Variants in GRIK2 observed in about 807,000 individuals in gnomAD.
The protein encoded by GRIK2 is glutamate ionotropic receptor kainate type subunit 2.
GRIK2 carries 32 observed loss-of-function variants against 100.3 expected under a neutral mutation model. That is an observed-to-expected ratio of 0.32 (90% CI 0.24 to 0.43). The LOEUF is 0.43. Ranked by LOEUF, GRIK2 falls within the 20% of genes least tolerant of loss-of-function variation. GRIK2 has a pLI of 1.00. For missense variants in GRIK2, 843 were observed against 1,114.9 expected (o/e 0.76, Z 3.47); for synonymous variants, 417 against 389.4 (o/e 1.07, Z -0.83).
At chr6:101,463,286 G>C (rs749282563) in intron 2 of GRIK2, among the ~76,000 whole-genome samples, 8 of 152,026 alleles carry the variant, frequency 5.3e-5, no homozygotes, top group African/African-American at 1.9e-4. Context: ...AAATATCTTT[G>C]AATAATATTT....
At chr6:101,614,900 C>T (rs1173830978) in intron 2 of GRIK2, among the ~76,000 whole-genome samples, 1 of 151,630 alleles carries the variant, frequency 6.6e-6, no homozygotes, top group Non-Finnish European at 1.5e-5. Context: ...GTCATACAGT[C>T]CTCAGTAGTA....
chr6:101,782,552 G>A (rs1002401676), intron 7 of GRIK2, among the ~76,000 whole-genome samples: 52 of 152,152 alleles, frequency 3.4e-4, no homozygotes, highest in African/African-American at 1.2e-3. Context: ...TCTTTTTCAT[G>A]GTCAAATGAT....
chr6:101,969,125 A>C (rs972728467), intron 14 of GRIK2, among the ~76,000 whole-genome samples: 15 of 152,058 alleles, frequency 9.9e-5, no homozygotes, highest in African/African-American at 3.1e-4. Flanking sequence ...GTAGGGAACA[A>C]CAATATAAAA....
chr6:101,732,310 G>A, intron 7 of GRIK2, among the ~76,000 whole-genome samples: 1 of 151,882 alleles, frequency 6.6e-6, no homozygotes, highest in Middle Eastern at 3.4e-3. Flanking sequence ...AGAGTTCCTG[G>A]GTAGAGGAAA....
intron 14 of GRIK2, among the ~76,000 whole-genome samples, chr6:101,937,448 T>A (rs945259216): frequency 6.6e-6 from 1 of 152,084 alleles, no homozygotes; most frequent in African/African-American, 2.4e-5. Context: ...GGATAATAGT[T>A]GTCACTGCAA....
intron 12 of GRIK2, among the ~76,000 whole-genome samples, chr6:101,912,000 G>T (rs1788726357): frequency 6.7e-6 from 1 of 149,926 alleles, no homozygotes; most frequent in South Asian, 2.1e-4. Flanking sequence ...ATAAACTTGT[G>T]GGTTATCAAT....
At chr6:101,936,261 A>C in intron 14 of GRIK2, among the ~76,000 whole-genome samples, 1 of 152,036 alleles carries the variant, frequency 6.6e-6, no homozygotes, top group East Asian at 1.9e-4. Context: ...ATCGCAGTAA[A>C]GATTTTTATA....
chr6:101,995,854 A>G (rs1006491373), intron 14 of GRIK2, among the ~76,000 whole-genome samples: 2 of 152,062 alleles, frequency 1.3e-5, no homozygotes, highest in African/African-American at 2.4e-5. Flanking sequence ...GTTTAAGTCT[A>G]GTTTAAACAA....
chr6:101,705,420 T>C (rs937565150), intron 7 of GRIK2, among the ~76,000 whole-genome samples: 4 of 151,798 alleles, frequency 2.6e-5, no homozygotes, highest in Non-Finnish European at 5.9e-5. Context: ...ACTACATTAC[T>C]TATCCTCACA....
rs1247448011 is a variant in GRIK2, at chr6:101,961,455, G to GC, written c.2085+32829dup. On this transcript the variant is annotated intron_variant, in intron 14 of 16. Transcript: ENST00000369134. Reference sequence around the variant, plus strand: ...TCTCCCTAGGCATACCCATGCCAACGCCCCCCACGAAAGAACAGCTAGCTG... The same window carrying GC: ...TCTCCCTAGGCATACCCATGCCAACGCCCCCCCACGAAAGAACAGCTAGCTG... 2.0e-5 allele frequency among the ~76,000 whole-genome samples: 3 copies of GC among 152,082 alleles called. No homozygotes were observed. The East Asian group carries it at 5.8e-4, about 30-fold the overall frequency.
intron 4 of GRIK2, among the ~76,000 whole-genome samples, chr6:101,643,725 A>G (rs943838244): frequency 5.3e-5 from 8 of 151,646 alleles, no homozygotes; most frequent in African/African-American, 1.9e-4. Context: ...GAGATTCTAT[A>G]TGAAGTTTTA....
chr6:101,760,614 T>TTTAATTATATA (rs1777533399), intron 7 of GRIK2, among the ~76,000 whole-genome samples: 4 of 80,988 alleles, frequency 4.9e-5, no homozygotes, highest in Admixed American at 2.0e-4. Context: ...ATAATTATAT[T>TTTAATTATATA]TAATTATATG....
At chr6:101,639,836 A>G (rs1387265131) in intron 4 of GRIK2, among the ~76,000 whole-genome samples, 1 of 152,224 alleles carries the variant, frequency 6.6e-6, no homozygotes, top group Admixed American at 6.5e-5. Flanking sequence ...GAAGTGGAAC[A>G]GTATCCACTA....
chr6:102,065,392 T>C (rs1356034833), intron 16 of GRIK2, among the ~76,000 whole-genome samples: 1 of 151,342 alleles, frequency 6.6e-6, no homozygotes, highest in East Asian at 1.9e-4. Flanking sequence ...ATGTTCTTAT[T>C]TGTAGTCTGA....
At chr6:101,841,662 C>A (rs1004405497) in intron 10 of GRIK2, among the ~76,000 whole-genome samples, 1 of 152,238 alleles carries the variant, frequency 6.6e-6, no homozygotes. Context: ...CCCCGCCCAG[C>A]CTGCAGAAAG....
At chr6:101,999,288 T>C (rs2114254059) in intron 14 of GRIK2, among the ~76,000 whole-genome samples, 1 of 152,250 alleles carries the variant, frequency 6.6e-6, no homozygotes, top group East Asian at 1.9e-4. Context: ...TTGCTGAAAA[T>C]TTCATTGGAA....
chr6:101,698,363 C>T (rs556814288), intron 7 of GRIK2, among the ~76,000 whole-genome samples: 36 of 152,102 alleles, frequency 2.4e-4, no homozygotes, highest in African/African-American at 7.9e-4. Flanking sequence ...ATGTTTCAGA[C>T]AAAAATGAAA....
chr6:101,973,833 A>G (rs1405879856), intron 14 of GRIK2, among the ~76,000 whole-genome samples: 1 of 151,966 alleles, frequency 6.6e-6, no homozygotes, highest in Non-Finnish European at 1.5e-5. Context: ...GAAATGATGC[A>G]TTGTATAGCA....
chr6:101,579,963 A>T (rs1233227653), intron 2 of GRIK2, among the ~76,000 whole-genome samples: 1 of 151,404 alleles, frequency 6.6e-6, no homozygotes, highest in Admixed American at 6.6e-5. Flanking sequence ...CTTTATGACT[A>T]CTTCTTCTCA....
Sources: gnomAD v4.1 joint callset for allele counts (sites outside exome capture counted in the v4.1 genomes callset) on GRCh38, gnomAD v4.1.1 for gene constraint, MANE v1.5 for transcripts, NCBI Gene and HGNC (gene_info 2026-07-23, HGNC 2026-07-21) for gene names.